FBN2: variants seen among roughly 807,000 people sequenced by gnomAD.
FBN2 encodes fibrillin-2.
A neutral mutation model predicts 355.6 loss-of-function variants in FBN2; 105 were observed. The ratio of observed to expected loss-of-function variants is 0.30; its 90% confidence interval spans 0.25 to 0.35. The LOEUF (loss-of-function observed/expected upper bound fraction) is 0.35. Ranked by LOEUF, FBN2 falls within the 10% of genes least tolerant of loss-of-function variation. The pLI, the probability that FBN2 is intolerant of heterozygous loss-of-function variation, is 1.00. For missense variants in FBN2, 3,280 were observed against 3,758.7 expected (o/e 0.87, Z 3.33); for synonymous variants, 1,350 against 1,301.2 (o/e 1.04, Z -0.81).
intron 25 of FBN2, among the ~76,000 whole-genome samples, chr5:128,340,070 C>T (rs952022006): frequency 1.3e-5 from 2 of 152,136 alleles, no homozygotes; most frequent in Non-Finnish European, 2.9e-5. Context: ...TCTGAGAAAT[C>T]TCCTATGCTT....
At chr5:128,383,596 CAAAG>C (rs1190034096) in intron 11 of FBN2, among the ~76,000 whole-genome samples, 1 of 152,026 alleles carries the variant, frequency 6.6e-6, no homozygotes, top group Non-Finnish European at 1.5e-5. Context: ...CCAGAGTAAA[CAAAG>C]AACCCTCAAA....
chr5:128,276,968 C>T (rs1035776978), intron 58 of FBN2, among the ~76,000 whole-genome samples: 7 of 152,140 alleles, frequency 4.6e-5, no homozygotes, highest in African/African-American at 1.7e-4. Flanking sequence ...CTTTCCTACT[C>T]GGACTCTGAG....
intron 7 of FBN2, among the ~76,000 whole-genome samples, chr5:128,427,451 C>A (rs1581283990): frequency 6.6e-6 from 1 of 152,250 alleles, no homozygotes; most frequent in East Asian, 1.9e-4. Context: ...GGCACATAGA[C>A]CTCAGACCAA....
intron 48 of FBN2, among the ~76,000 whole-genome samples, chr5:128,297,937 G>T (rs1318693192): frequency 6.6e-6 from 1 of 151,680 alleles, no homozygotes; most frequent in East Asian, 1.9e-4. Flanking sequence ...AGTCTCGATG[G>T]TCTTTACATT....
At chr5:128,512,733 T>G (rs911865102) in intron 5 of FBN2, among the ~76,000 whole-genome samples, 1 of 152,172 alleles carries the variant, frequency 6.6e-6, no homozygotes, top group African/African-American at 2.4e-5. Context: ...TTTGTATGAC[T>G]TAAATAGGTC....
At position 128,319,077 on chromosome 5, in the gene FBN2, G is replaced by A. The variant is rs530820294; in HGVS notation, c.4472-76C>T. The A allele has an allele frequency of 2.3e-5, 27 of 1,156,536 alleles. No individual in the cohort carries two copies. In the Admixed American group the frequency reaches 2.9e-4, roughly 12 times the overall value. 71.6% of individuals were successfully genotyped at this position (1,156,536 alleles called of 1,614,324 possible). Reference sequence around the variant, plus strand: ...TTTTAATGTAATGTCTAACATTAGCGCATTTTTCTGCCCCCTCAGATGTTT... The same window carrying A: ...TTTTAATGTAATGTCTAACATTAGCACATTTTTCTGCCCCCTCAGATGTTT... On this transcript the variant is annotated intron_variant, in intron 34 of 64. Coordinates refer to ENST00000262464, the MANE Select transcript of FBN2 (RefSeq NM_001999.4).
At chr5:128,393,925 C>T (rs1561434779) in intron 9 of FBN2, among the ~76,000 whole-genome samples, 1 of 152,094 alleles carries the variant, frequency 6.6e-6, no homozygotes. Flanking sequence ...TAAAGAGAAG[C>T]AAGAAGATAG....
intron 23 of FBN2, 140 bp downstream of exon 23, chr5:128,349,207 C>G (rs1004013406): frequency 1.0e-6 from 1 of 958,742 alleles, no homozygotes; most frequent in Non-Finnish European, 1.7e-6. Context: ...AAAACAGCCT[C>G]TAGTGATTTC....
intron 45 of FBN2, among the ~76,000 whole-genome samples, chr5:128,304,089 T>C (rs148398810): frequency 2.9e-3 from 445 of 152,318 alleles, no homozygotes; most frequent in Non-Finnish European, 4.8e-3. Flanking sequence ...AGTCCTGCAG[T>C]ACTGAAATCT....
intron 20 of FBN2, among the ~76,000 whole-genome samples, chr5:128,352,616 C>T (rs557147645): frequency 6.6e-6 from 1 of 152,230 alleles, no homozygotes; most frequent in East Asian, 1.9e-4. Context: ...TCATGTTTTC[C>T]TTGTAGAGCA....
At position 128,370,630 on chromosome 5, in the gene FBN2, TC is replaced by T. The variant is rs1188584648; in HGVS notation, c.2096-1297del. On this transcript the variant is annotated intron_variant, in intron 15 of 64. Coordinates refer to ENST00000262464, the MANE Select transcript of FBN2 (RefSeq NM_001999.4). ...CACAAATATAACATGGTTCATCATT[TC>T]CAATATGATTTTTGTGAGTTCTTTG... Among the ~76,000 whole-genome samples the T allele has an allele frequency of 1.2e-4, 18 of 152,304 alleles. No individual in the cohort carries two copies. In the East Asian group the frequency reaches 2.3e-3, roughly 20 times the overall value.
intron 4 of FBN2, among the ~76,000 whole-genome samples, chr5:128,524,961 G>A (rs904644881): frequency 6.6e-6 from 1 of 152,222 alleles, no homozygotes; most frequent in East Asian, 1.9e-4. Context: ...TGACACAGGG[G>A]CGGAAGAACA....
At chr5:128,323,213 T>C (rs1398221352) in intron 34 of FBN2, among the ~76,000 whole-genome samples, 5 of 152,228 alleles carry the variant, frequency 3.3e-5, no homozygotes, top group African/African-American at 1.2e-4. Context: ...ACAGATACAA[T>C]TTGACTTCCT....
At chr5:128,264,155 T>C (rs1765057191) in intron 62 of FBN2, among the ~76,000 whole-genome samples, 1 of 152,176 alleles carries the variant, frequency 6.6e-6, no homozygotes, top group Non-Finnish European at 1.5e-5. Flanking sequence ...CCCATTTACA[T>C]GTACACTTTA....
chr5:128,479,968 CTCTCTCTCTA>C (rs1315591169), intron 5 of FBN2, among the ~76,000 whole-genome samples: 2 of 29,242 alleles, frequency 6.8e-5, no homozygotes, highest in Non-Finnish European at 1.1e-4. Flanking sequence ...CTCTCTCTCT[CTCTCTCTCTA>C]TATATATATA....
chr5:128,389,351 T>G (rs1406745378), intron 11 of FBN2, among the ~76,000 whole-genome samples: 1 of 152,134 alleles, frequency 6.6e-6, no homozygotes, highest in Non-Finnish European at 1.5e-5. Context: ...CTGCTGAAGT[T>G]CTCCAATGGT....
intron 26 of FBN2, 101 bp downstream of exon 26, chr5:128,338,832 C>A (rs1017512421): frequency 7.0e-6 from 9 of 1,292,852 alleles, no homozygotes; most frequent in Admixed American, 5.1e-5. Flanking sequence ...ATGCTGGCCA[C>A]ACATGCCGTT....
intron 8 of FBN2, among the ~76,000 whole-genome samples, chr5:128,405,359 G>C (rs905532707): frequency 1.6e-4 from 24 of 152,146 alleles, no homozygotes; most frequent in Non-Finnish European, 3.2e-4. Context: ...ACAAGTGTGA[G>C]GTGGCAAGTG....
chr5:128,427,463 G>C (rs1753511778), intron 7 of FBN2, among the ~76,000 whole-genome samples: 1 of 152,054 alleles, frequency 6.6e-6, no homozygotes, highest in African/African-American at 2.4e-5. Flanking sequence ...TCAGACCAAG[G>C]GGAACTGAGG....
Sources: allele counts gnomAD v4.1 joint callset (sites outside exome capture counted in the v4.1 genomes callset), GRCh38; gene constraint gnomAD v4.1.1; transcripts MANE v1.5; gene names NCBI Gene and HGNC (gene_info 2026-07-23, HGNC 2026-07-21).